The following USP13 variants were observed in gnomAD, a reference collection of about 807,000 sequenced individuals.
USP13 encodes ubiquitin carboxyl-terminal hydrolase 13.
A neutral mutation model predicts 107.8 loss-of-function variants in USP13; 68 were observed. The observed-to-expected ratio is 0.63, with a 90% CI of 0.52 to 0.77. USP13 has a LOEUF of 0.77. USP13 is among the 30% of genes least tolerant of loss of function. The pLI is 0.00. For synonymous variants in USP13, 377 were observed against 389.5 expected (o/e 0.97, Z 0.38); for missense variants, 945 against 1,093.3 (o/e 0.86, Z 1.91).
intron 13 of USP13, among the ~76,000 whole-genome samples, chr3:179,751,300 T>A (rs1156830588): frequency 1.3e-5 from 2 of 152,160 alleles, no homozygotes; most frequent in African/African-American, 4.8e-5. Flanking sequence ...ATACTGGTAA[T>A]GTGTATTAAT....
intron 20 of USP13, among the ~76,000 whole-genome samples, chr3:179,783,125 GAAAAT>G (rs1715804747): frequency 6.6e-6 from 1 of 151,814 alleles, no homozygotes; most frequent in Non-Finnish European, 1.5e-5. Flanking sequence ...TGAAGTCAAA[GAAAAT>G]AAAATAAAAA....
intron 1 of USP13, among the ~76,000 whole-genome samples, chr3:179,668,529 C>T (rs537196918): frequency 1.3e-5 from 2 of 152,232 alleles, no homozygotes; most frequent in South Asian, 4.1e-4. Flanking sequence ...TGGTTATTCC[C>T]TGCTATCCAG....
chr3:179,680,821 A>AC (rs1560046343), intron 1 of USP13, among the ~76,000 whole-genome samples: 2,207 of 146,962 alleles, frequency 0.015, 179 homozygotes, highest in East Asian at 0.022. Context: ...GATTACAGGC[A>AC]TGAGTCACCG....
At chr3:179,679,800 T>G (rs1358413403) in intron 1 of USP13, among the ~76,000 whole-genome samples, 7 of 96,354 alleles carry the variant, frequency 7.3e-5, no homozygotes, top group East Asian at 3.5e-4. Flanking sequence ...CTTAGTTTTT[T>G]TTTTTTTTTT....
At chr3:179,761,425 T>A (rs576689857) in intron 17 of USP13, among the ~76,000 whole-genome samples, 170 bp downstream of exon 17, 77 of 151,352 alleles carry the variant, frequency 5.1e-4, no homozygotes, top group Admixed American at 2.2e-3. Flanking sequence ...TTTTTTTTTT[T>A]AAAAACAGCA....
intron 10 of USP13, among the ~76,000 whole-genome samples, chr3:179,736,627 T>G (rs1714005760): frequency 6.6e-6 from 1 of 152,222 alleles, no homozygotes; most frequent in African/African-American, 2.4e-5. Context: ...ATAACTTGAC[T>G]GTTGAATAGA....
intron 5 of USP13, 71 bp from the exon 6 acceptor site, chr3:179,708,702 T>A (rs930722047): frequency 6.4e-7 from 1 of 1,566,594 alleles, no homozygotes; most frequent in Non-Finnish European, 8.7e-7. Flanking sequence ...CTTGAAACCC[T>A]CTGTCTTCTT....
At position 179,653,448 on chromosome 3, in the gene USP13, A is replaced by T; in HGVS notation, c.168+55A>T. 7 of 1,526,492 alleles carry T rather than the reference A, an allele frequency of 4.6e-6. No homozygotes were observed. The highest frequency in any genetic ancestry group is 6.2e-6 in the Non-Finnish European group (7 of 1,132,656). 94.6% of individuals were successfully genotyped at this position (1,526,492 alleles called of 1,614,324 possible). ...GGGGCCGGCGGCCTGCGGCACGTGA[A>T]GCCGGGGGAGAAGATGCGCAGTGGC... On this transcript the variant is annotated intron_variant, in intron 1 of 20. Coordinates refer to ENST00000263966, the MANE Select transcript of USP13 (RefSeq NM_003940.3). This position sits in a 1 kb window ranked among gnomAD's most constrained non-coding sequence, Gnocchi z 4.0.
intron 16 of USP13, among the ~76,000 whole-genome samples, chr3:179,758,384 T>C (rs1056243966): frequency 6.6e-5 from 10 of 152,184 alleles, no homozygotes; most frequent in Non-Finnish European, 1.2e-4. Flanking sequence ...AGCCATTTTT[T>C]AGTGTTGCTG....
At position 179,700,381 on chromosome 3, in the gene USP13, C is replaced by T. The variant is rs549188822; in HGVS notation, c.356-627C>T. Among the ~76,000 whole-genome samples the T allele has an allele frequency of 3.0e-4, 45 of 152,250 alleles. No individual in the cohort carries two copies. In the South Asian group the frequency reaches 7.9e-3, roughly 27 times the overall value. On this transcript the variant is annotated intron_variant, in intron 3 of 20. Coordinates refer to ENST00000263966, the MANE Select transcript of USP13 (RefSeq NM_003940.3). ...AATAATAGCTAACATTTATTGACTA[C>T]CTATTATATGCCAAGCCTCTTGTTC...
chr3:179,659,123 T>C (rs1720379451), intron 1 of USP13, among the ~76,000 whole-genome samples: 1 of 152,228 alleles, frequency 6.6e-6, no homozygotes, highest in African/African-American at 2.4e-5. Flanking sequence ...GAGATGTCAC[T>C]GTTGGTTCTT....
At position 179,681,888 on chromosome 3, in the gene USP13, G is replaced by A; in HGVS notation, c.179G>A (p.Gly60Asp). The A allele has an allele frequency of 1.2e-6, 2 of 1,612,538 alleles. No homozygotes were observed. The highest frequency in any genetic ancestry group is 1.7e-6 in the Non-Finnish European group (2 of 1,179,264). Residue 60 changes from glycine to aspartate, a missense_variant, in exon 2 of 21, where the codon GGT becomes GAT. By Grantham distance (94) the Gly-to-Asp change is moderately conservative. Transcript: ENST00000263966. ...AFSYDSPNSE[G>D]GLYVCMNTFL... ...TTCTCTTTCTTCTAGAATTCTGAAG[G>A]TGGACTCTATGTATGCATGAATACA...
At chr3:179,716,219 C>T (rs1006537077) in intron 6 of USP13, among the ~76,000 whole-genome samples, 9 of 152,112 alleles carry the variant, frequency 5.9e-5, no homozygotes, top group Admixed American at 1.3e-4. Flanking sequence ...CCACCGTGCC[C>T]GGCCTTCCAT....
intron 1 of USP13, among the ~76,000 whole-genome samples, chr3:179,667,978 A>G (rs1720635557): frequency 6.6e-6 from 1 of 152,140 alleles, no homozygotes. Context: ...AAAAAAGTTA[A>G]TAAATGATGC....
chr3:179,743,830 CTGAT>C (rs34470489), intron 12 of USP13, among the ~76,000 whole-genome samples: 58,663 of 150,932 alleles, frequency 0.39, 12,990 homozygotes, highest in East Asian at 0.62. Context: ...ACATCATAAA[CTGAT>C]TGGGGACAGG....
chr3:179,782,593 A>G (rs1052127287), intron 20 of USP13, among the ~76,000 whole-genome samples: 16 of 152,256 alleles, frequency 1.1e-4, no homozygotes, highest in African/African-American at 2.6e-4. Flanking sequence ...TGCTCAGGCC[A>G]TGTGGATGCT....
At chr3:179,773,312 T>G (rs1314096339) in intron 19 of USP13, among the ~76,000 whole-genome samples, 1 of 152,218 alleles carries the variant, frequency 6.6e-6, no homozygotes, top group Non-Finnish European at 1.5e-5. Flanking sequence ...GAGCATTGGA[T>G]GAGAACCCAG....
At chr3:179,675,005 C>A (rs1207032008) in intron 1 of USP13, among the ~76,000 whole-genome samples, 2 of 152,048 alleles carry the variant, frequency 1.3e-5, no homozygotes, top group Non-Finnish European at 2.9e-5. Flanking sequence ...GAAACCCTGT[C>A]TCTACTAAAA....
chr3:179,734,372 GT>G (rs144917369), intron 10 of USP13, among the ~76,000 whole-genome samples: 1 of 152,172 alleles, frequency 6.6e-6, no homozygotes, highest in African/African-American at 2.4e-5. Flanking sequence ...GCTTTCAAAT[GT>G]TTTAAAGCTG....
Sources: allele counts gnomAD v4.1 joint callset (sites outside exome capture counted in the v4.1 genomes callset), GRCh38; gene constraint gnomAD v4.1.1; non-coding constraint Gnocchi (gnomAD v3.1); transcripts MANE v1.5; gene names NCBI Gene and HGNC (gene_info 2026-07-23, HGNC 2026-07-21).